Variants in LOC400499 observed in about 807,000 individuals in gnomAD.
At chr16:11,443,297 C>A in the LOC400499 span, 1 of 359,972 alleles carries the variant, frequency 2.8e-6, no homozygotes, top group East Asian at 9.0e-5. Context: ...GCACCCTAGC[C>A]TGGGCAACAG....
At chr16:11,475,929 C>T in the LOC400499 span, among the ~76,000 whole-genome samples, 1 of 151,958 alleles carries the variant, frequency 6.6e-6, no homozygotes. Context: ...GAGAAACCCA[C>T]ATGGAGGACA....
At chr16:11,380,639 G>C in the LOC400499 span, among the ~76,000 whole-genome samples, 1 of 151,940 alleles carries the variant, frequency 6.6e-6, no homozygotes, top group Non-Finnish European at 1.5e-5. Flanking sequence ...TAATTATAAC[G>C]GGTGACTGCT....
At chr16:11,477,479 A>G in the LOC400499 span, among the ~76,000 whole-genome samples, 2 of 152,184 alleles carry the variant, frequency 1.3e-5, no homozygotes, top group Admixed American at 1.3e-4. Flanking sequence ...AAGAAGCACC[A>G]GGCTTGGTTG....
the LOC400499 span, chr16:11,447,884 A>C: frequency 6.6e-7 from 1 of 1,504,428 alleles, no homozygotes; most frequent in African/African-American, 1.4e-5. Flanking sequence ...TCCGTGCTAG[A>C]GAAGGGGAAA....
At chr16:11,514,224 A>G in the LOC400499 span, 2 of 397,760 alleles carry the variant, frequency 5.0e-6, no homozygotes, top group Non-Finnish European at 8.9e-6. Flanking sequence ...TCTCCTGATG[A>G]TAACCATTTT....
chr16:11,506,448 T>C, the LOC400499 span, among the ~76,000 whole-genome samples: 1 of 152,224 alleles, frequency 6.6e-6, no homozygotes, highest in Non-Finnish European at 1.5e-5. Context: ...TGCCATTTCG[T>C]GAGTGTAAAC....
At chr16:11,453,177 T>C in the LOC400499 span, among the ~76,000 whole-genome samples, 8 of 152,204 alleles carry the variant, frequency 5.3e-5, no homozygotes, top group Non-Finnish European at 5.9e-5. Context: ...AGCGGGTCTC[T>C]TACTCGAAGT....
chr16:11,382,744 AAGTTGCAGTGAGCCGAGATTGTGCCAC>A, the LOC400499 span, among the ~76,000 whole-genome samples: 10 of 152,254 alleles, frequency 6.6e-5, no homozygotes, highest in Middle Eastern at 6.8e-3. Flanking sequence ...CAGGAGGTGG[AAGTTGCAGTGAGCCGAGATTGTGCCAC>A]TGCACTCCAG....
chr16:11,480,461 G>A, the LOC400499 span, among the ~76,000 whole-genome samples: 1 of 152,176 alleles, frequency 6.6e-6, no homozygotes, highest in East Asian at 1.9e-4. Flanking sequence ...GTCACTATCA[G>A]ATGTACATGG....
At chr16:11,504,433 G>T in the LOC400499 span, among the ~76,000 whole-genome samples, 2 of 152,158 alleles carry the variant, frequency 1.3e-5, no homozygotes, top group Admixed American at 1.3e-4. Flanking sequence ...TTGCATGCTT[G>T]CAATCCCAGC....
the LOC400499 span, among the ~76,000 whole-genome samples, chr16:11,419,585 G>A: frequency 6.6e-6 from 1 of 152,186 alleles, no homozygotes; most frequent in East Asian, 1.9e-4. Context: ...GGCGACAAAA[G>A]CCAAAATTGA....
chr16:11,422,989 T>C, the LOC400499 span, among the ~76,000 whole-genome samples: 1 of 151,132 alleles, frequency 6.6e-6, no homozygotes, highest in Admixed American at 6.6e-5. Flanking sequence ...CCCTGGGAAC[T>C]GGGAGTCCAG....
the LOC400499 span, among the ~76,000 whole-genome samples, chr16:11,468,469 A>G: frequency 2.0e-5 from 3 of 152,152 alleles, no homozygotes; most frequent in Admixed American, 6.6e-5. Flanking sequence ...GACTACAGGC[A>G]CACAACTCTG....
the LOC400499 span, among the ~76,000 whole-genome samples, chr16:11,415,856 T>A: frequency 7.2e-5 from 11 of 152,022 alleles, no homozygotes; most frequent in African/African-American, 2.7e-4. Context: ...AACCCTGAGG[T>A]CAACTCAGAC....
chr16:11,376,006 T>A, the LOC400499 span, among the ~76,000 whole-genome samples: 1 of 152,218 alleles, frequency 6.6e-6, no homozygotes, highest in Admixed American at 6.5e-5. Context: ...CCCAAAGTGC[T>A]GGAATCACAG....
At chr16:11,505,702 G>A in the LOC400499 span, among the ~76,000 whole-genome samples, 41 of 151,862 alleles carry the variant, frequency 2.7e-4, no homozygotes, top group African/African-American at 8.9e-4. Flanking sequence ...ACCCACCTCA[G>A]CCTCCCAAAG....
chr16:11,441,834 C>T, the LOC400499 span, among the ~76,000 whole-genome samples: 23 of 152,340 alleles, frequency 1.5e-4, no homozygotes, highest in African/African-American at 5.5e-4. Flanking sequence ...AGAAGGAACA[C>T]AACCCTGCTA....
At chr16:11,448,008 C>A in the LOC400499 span, 1 of 1,536,100 alleles carries the variant, frequency 6.5e-7, no homozygotes, top group South Asian at 1.2e-5. Flanking sequence ...CTTCCAACTG[C>A]AGGCCCCGAG....
At chr16:11,386,128 C>G in the LOC400499 span, among the ~76,000 whole-genome samples, 1 of 152,210 alleles carries the variant, frequency 6.6e-6, no homozygotes, top group Non-Finnish European at 1.5e-5. Flanking sequence ...AAGTGGATAG[C>G]CAACAGGTCC....
Sources: allele counts gnomAD v4.1 joint callset (sites outside exome capture counted in the v4.1 genomes callset), GRCh38; gene constraint gnomAD v4.1.1; transcripts MANE v1.5.